Variants in ZFAT observed in about 807,000 individuals in gnomAD.
ZFAT encodes zinc finger protein ZFAT.
A neutral mutation model predicts 117.7 loss-of-function variants in ZFAT; 64 were observed. The ratio of observed to expected loss-of-function variants is 0.54; its 90% CI spans 0.44 to 0.67. ZFAT has a LOEUF of 0.67. Among genes scored for constraint, ZFAT ranks in the 30% least tolerant of loss-of-function variants. The probability of loss-of-function intolerance (pLI) is 0.00; values close to 1 mark genes in which losing one functional copy is unlikely to be tolerated. For missense variants in ZFAT, 1,433 were observed against 1,584.5 expected (o/e 0.90, Z 1.62); for synonymous variants, 679 against 615.0 (o/e 1.10, Z -1.54).
At chr8:134,676,297 T>C (rs1346821830) in intron 1 of ZFAT, among the ~76,000 whole-genome samples, 1 of 147,018 alleles carries the variant, frequency 6.8e-6, no homozygotes, top group Admixed American at 6.8e-5. Flanking sequence ...GTTGCAATCC[T>C]AGTCTCTGAT....
chr8:134,812,948 A>G, the ZFAT span, among the ~76,000 whole-genome samples: 58 of 152,294 alleles, frequency 3.8e-4, no homozygotes, highest in South Asian at 7.0e-3. Context: ...GAGTCACAAG[A>G]GCATTGGTAG....
chr8:134,672,498 T>C (rs1328783554), intron 1 of ZFAT, among the ~76,000 whole-genome samples: 4 of 152,126 alleles, frequency 2.6e-5, no homozygotes, highest in Admixed American at 2.6e-4. Flanking sequence ...ATGGCACATG[T>C]ATACATATGT....
At chr8:134,543,596 T>A (rs1822449044) in intron 11 of ZFAT, among the ~76,000 whole-genome samples, 1 of 152,256 alleles carries the variant, frequency 6.6e-6, no homozygotes, top group Non-Finnish European at 1.5e-5. Flanking sequence ...ATTGCTCTAT[T>A]CTACTGAGTT....
intron 1 of ZFAT, among the ~76,000 whole-genome samples, chr8:134,686,044 T>G (rs1203762129): frequency 6.6e-6 from 1 of 152,166 alleles, no homozygotes; most frequent in African/African-American, 2.4e-5. Context: ...CCTTCCTAGG[T>G]GGAGTCACTG....
the ZFAT span, chr8:134,797,009 T>C: frequency 6.6e-6 from 1 of 152,088 alleles, no homozygotes; most frequent in African/African-American, 2.4e-5. Context: ...AAGTTTAAGA[T>C]TACAGATTGA....
intron 11 of ZFAT, among the ~76,000 whole-genome samples, chr8:134,556,359 T>C (rs1823624783): frequency 6.6e-6 from 1 of 152,008 alleles, no homozygotes; most frequent in South Asian, 2.1e-4. Flanking sequence ...TGTGTTAATA[T>C]ATGTGGTATT....
intron 10 of ZFAT, among the ~76,000 whole-genome samples, chr8:134,567,173 ATCT>A (rs1824528761): frequency 6.6e-6 from 1 of 152,176 alleles, no homozygotes; most frequent in African/African-American, 2.4e-5. Flanking sequence ...AGCTGGACAC[ATCT>A]TCTTCACCAA....
At chr8:134,618,183 G>A (rs544019320) in intron 3 of ZFAT, among the ~76,000 whole-genome samples, 2 of 152,000 alleles carry the variant, frequency 1.3e-5, no homozygotes, top group Non-Finnish European at 2.9e-5. Context: ...TGTGAAAACA[G>A]ACTAATACAG....
chr8:134,570,197 G>A (rs756656961), intron 10 of ZFAT, among the ~76,000 whole-genome samples: 32 of 152,112 alleles, frequency 2.1e-4, no homozygotes, highest in Admixed American at 5.9e-4. Context: ...TCTCCCTCAA[G>A]TCTCTGTTCA....
intron 12 of ZFAT, among the ~76,000 whole-genome samples, chr8:134,523,399 C>A (rs1563806150): frequency 6.6e-6 from 1 of 152,216 alleles, no homozygotes; most frequent in Non-Finnish European, 1.5e-5. Flanking sequence ...GATGCCTCCC[C>A]ACAGGTAGAC....
chr8:134,536,456 T>G (rs1266411835), intron 11 of ZFAT, among the ~76,000 whole-genome samples: 5 of 152,180 alleles, frequency 3.3e-5, no homozygotes, highest in South Asian at 2.1e-4. Flanking sequence ...TTAGAACCTC[T>G]ATATGAAGTC....
At chr8:134,591,160 AT>A (rs1826476922) in intron 7 of ZFAT, among the ~76,000 whole-genome samples, 1 of 152,194 alleles carries the variant, frequency 6.6e-6, no homozygotes, top group African/African-American at 2.4e-5. Flanking sequence ...ATGGCAAGTG[AT>A]TTTATTGAGA....
chr8:134,766,243 C>T, the ZFAT span: 1 of 152,194 alleles, frequency 6.6e-6, no homozygotes, highest in Non-Finnish European at 1.5e-5. Flanking sequence ...GAATCAAATG[C>T]TCTCTAAAAT....
chr8:134,668,344 G>A (rs1187685625), intron 1 of ZFAT, among the ~76,000 whole-genome samples: 2 of 152,222 alleles, frequency 1.3e-5, no homozygotes, highest in African/African-American at 4.8e-5. Flanking sequence ...CTAACTGGGA[G>A]GCACCCCCAA....
At chr8:134,656,387 G>A (rs539564129) in intron 2 of ZFAT, among the ~76,000 whole-genome samples, 36 of 152,262 alleles carry the variant, frequency 2.4e-4, no homozygotes, top group African/African-American at 8.4e-4. Context: ...ATTAGCTGAC[G>A]GTGATGACAG....
At chr8:134,658,801 C>T (rs781736873) in intron 1 of ZFAT, among the ~76,000 whole-genome samples, 18 of 152,140 alleles carry the variant, frequency 1.2e-4, no homozygotes, top group Non-Finnish European at 2.2e-4. Context: ...AGCCAAAAGG[C>T]CCAGGTTAAA....
At position 134,566,393 on chromosome 8, in the gene ZFAT, C is replaced by CAAAAAAAAAAAAAAAAAA. The variant is rs57041885; in HGVS notation, c.2888-973_2888-972insTTTTTTTTTTTTTTTTTT. ...TGGGCGACAGAGCAAGACTCCAACT[C>CAAAAAAAAAAAAAAAAAA]AAAAAAAAAAAAAAAAAGATTAAGG... On this transcript the variant is annotated intron_variant, in intron 10 of 15. Transcript: ENST00000377838. Among the ~76,000 whole-genome samples the CAAAAAAAAAAAAAAAAAA allele has an allele frequency of 1.5e-3, 112 of 77,074 alleles. 1 individual carries two copies. The highest frequency in any genetic ancestry group is 2.7e-3 in the East Asian group (4 of 1,506). 50.6% of individuals were successfully genotyped at this position (77,074 alleles called of 152,430 possible).
the ZFAT span, chr8:134,796,477 A>C: frequency 6.6e-6 from 1 of 152,210 alleles, no homozygotes; most frequent in African/African-American, 2.4e-5. Flanking sequence ...TTGGTGAGAG[A>C]AGTGTTGAGT....
chr8:134,824,505 C>T, the ZFAT span, among the ~76,000 whole-genome samples: 1 of 152,182 alleles, frequency 6.6e-6, no homozygotes, highest in Non-Finnish European at 1.5e-5. Flanking sequence ...AATAAAACAG[C>T]ACTGGTTGAA....
Sources: gnomAD v4.1 joint callset for allele counts (sites outside exome capture counted in the v4.1 genomes callset) on GRCh38, gnomAD v4.1.1 for gene constraint, MANE v1.5 for transcripts, NCBI Gene and HGNC (gene_info 2026-07-23, HGNC 2026-07-21) for gene names.